PER3: variants seen among roughly 807,000 people sequenced by gnomAD.
PER3 encodes period circadian regulator 3.
In PER3, 107 loss-of-function variants were observed where a neutral mutation model predicts 127.2. That is an observed-to-expected ratio of 0.84 (90% CI 0.72 to 0.99). The LOEUF (loss-of-function observed/expected upper bound fraction) is 0.99, where lower values mean the gene tolerates loss of function less well. PER3 is among the 50% of genes least tolerant of loss of function. The probability of loss-of-function intolerance (pLI) is 0.00; values close to 1 mark genes in which losing one functional copy is unlikely to be tolerated. For missense variants in PER3, 1,560 were observed against 1,525.8 expected (o/e 1.02, Z -0.37); for synonymous variants, 618 against 585.8 (o/e 1.05, Z -0.79).
intron 20 of PER3, among the ~76,000 whole-genome samples, chr1:7,836,630 C>T (rs1050853950): frequency 2.0e-5 from 3 of 152,142 alleles, no homozygotes; most frequent in East Asian, 3.9e-4. Context: ...TACCTCTATT[C>T]AGATCCAGAC....
intron 6 of PER3, among the ~76,000 whole-genome samples, chr1:7,795,109 G>A (rs1324048520): frequency 6.6e-6 from 1 of 152,112 alleles, no homozygotes; most frequent in Non-Finnish European, 1.5e-5. Context: ...GGGGGGGACG[G>A]CCTGAGAAAG....
At chr1:7,836,210 C>G (rs748559493) in intron 20 of PER3, among the ~76,000 whole-genome samples, 3 of 152,082 alleles carry the variant, frequency 2.0e-5, no homozygotes, top group Non-Finnish European at 4.4e-5. Context: ...GACAGAGTCT[C>G]ACTCTGTCGC....
At chr1:7,833,004 G>A (rs2097340495) in intron 19 of PER3, among the ~76,000 whole-genome samples, 1 of 152,018 alleles carries the variant, frequency 6.6e-6, no homozygotes, top group African/African-American at 2.4e-5. Flanking sequence ...TACCTGGCCA[G>A]TCTAAAATAT....
In PER3 at chr1:7,827,543, T is replaced by C. The variant is rs763202177; in HGVS notation, c.2614T>C (p.Ser872Pro). 2 of 1,614,106 alleles carry C rather than the reference T, an allele frequency of 1.2e-6. No homozygotes were observed. Among genetic ancestry groups the C allele is most frequent in the East Asian group, 2.2e-5 (1 of 44,886 alleles). Residue 872 changes from serine (S) to proline (P), a missense_variant, in exon 18 of 22, where the codon TCG becomes CCG. By Grantham distance (74) the Ser-to-Pro change is moderately conservative. This residue lies in a region of PER3 where 1,332 missense variants were observed against 1,223.6 expected (regional missense o/e 1.09). Coordinates refer to ENST00000377532, the MANE Select transcript of PER3 (RefSeq NM_001377275.1). The stretch of plus-strand genomic sequence containing the variant: ...CCCTGTCTGTCCTCTGTTGTCGCCA[T>C]CGTTTTTGCCATGTCCATTCCTGGG... ...DPPVCPLLSP[S>P]FLPCPFLGAT...
rs144941346 is a variant in PER3, at chr1:7,820,191, G to C, written c.1735G>C (p.Glu579Gln). Residue 579 changes from glutamate to glutamine, a missense_variant, in exon 15 of 22, where the codon GAA becomes CAA. Physicochemically the swap from Glu to Gln is conservative, Grantham distance 29 (BLOSUM62 2). Transcript: ENST00000377532. ...SCTNTTSSSS[E>Q]EDKQNHKADD... ...TACAAATACAACTTCTTCCTCCTCA[G>C]AAGAAGACAAACAGAACCACAAGGC... 366 of 1,613,766 alleles carry C rather than the reference G, an allele frequency of 2.3e-4. No homozygotes were observed. The highest frequency in any genetic ancestry group is 2.9e-4 in the Non-Finnish European group (340 of 1,179,802).
intron 21 of PER3, among the ~76,000 whole-genome samples, chr1:7,840,535 C>T (rs2097381035): frequency 6.6e-6 from 1 of 152,064 alleles, no homozygotes; most frequent in Admixed American, 6.6e-5. Context: ...CCAGGCTGGT[C>T]TTGAACTCTT....
chr1:7,837,266 C>G (rs2097362952), intron 21 of PER3, 117 bp downstream of exon 21: 3 of 729,754 alleles, frequency 4.1e-6, no homozygotes, highest in Non-Finnish European at 6.7e-6. Flanking sequence ...CAGTTTACCT[C>G]TATGGTAGGT....
intron 10 of PER3, among the ~76,000 whole-genome samples, chr1:7,804,534 G>A (rs568221511): frequency 6.6e-6 from 1 of 151,500 alleles, no homozygotes; most frequent in South Asian, 2.1e-4. Flanking sequence ...CCAAGTAGCT[G>A]GGCCCACAGG....
intron 13 of PER3, among the ~76,000 whole-genome samples, chr1:7,816,874 A>AT (rs1325271156): frequency 1.3e-5 from 2 of 152,240 alleles, no homozygotes; most frequent in African/African-American, 4.8e-5. Flanking sequence ...GTACATGAAT[A>AT]TTTATTACAC....
intron 21 of PER3, among the ~76,000 whole-genome samples, chr1:7,837,888 A>C (rs2097365748): frequency 6.6e-6 from 1 of 152,186 alleles, no homozygotes; most frequent in African/African-American, 2.4e-5. Flanking sequence ...GCATAGCCAA[A>C]CCTCATCTCT....
At chr1:7,804,170 C>T (rs1355430518) in intron 10 of PER3, among the ~76,000 whole-genome samples, 1 of 151,902 alleles carries the variant, frequency 6.6e-6, no homozygotes, top group African/African-American at 2.4e-5. Flanking sequence ...TAAAAATCAG[C>T]ATACAAAATT....
At chr1:7,804,128 C>A (rs1577728654) in intron 10 of PER3, among the ~76,000 whole-genome samples, 1 of 151,820 alleles carries the variant, frequency 6.6e-6, no homozygotes, top group African/African-American at 2.4e-5. Context: ...GCAGAGATCA[C>A]ATAACATGGA....
intron 5 of PER3, among the ~76,000 whole-genome samples, chr1:7,789,557 A>G (rs1418110315): frequency 6.6e-6 from 1 of 152,108 alleles, no homozygotes; most frequent in Non-Finnish European, 1.5e-5. Flanking sequence ...TCTTTTGTAA[A>G]TTGCCCAATC....
chr1:7,798,884 T>C (rs577764833), intron 7 of PER3, among the ~76,000 whole-genome samples: 1 of 152,314 alleles, frequency 6.6e-6, no homozygotes, highest in East Asian at 1.9e-4. Context: ...TCAGCATGGC[T>C]GAACGAATGG....
chr1:7,795,812 G>A (rs1306089872), intron 6 of PER3, among the ~76,000 whole-genome samples: 1 of 152,224 alleles, frequency 6.6e-6, no homozygotes, highest in African/African-American at 2.4e-5. Context: ...ATAATGTAAT[G>A]AACTGCTGCG....
At chr1:7,785,132 C>T (rs934924012) in intron 2 of PER3, 127 bp downstream of exon 2, 3 of 1,007,354 alleles carry the variant, frequency 3.0e-6, no homozygotes, top group African/African-American at 1.7e-5. Flanking sequence ...AGGGGAGACT[C>T]GGGCAATGTA....
In PER3 at chr1:7,785,484, G is replaced by T; in HGVS notation, c.172G>T (p.Val58Phe). ...RNRVSEELIM[V>F]VQEMKKYFPS... ...CAGAGTTTCTGAAGAACTTATCATG[G>T]TTGTCCAAGAAATGAAAAAATACTT... Residue 58 changes from valine (V) to phenylalanine (F), a missense_variant, in exon 3 of 22, where the codon GTT (valine) becomes TTT (phenylalanine). Physicochemically the swap from Val to Phe is conservative, Grantham distance 50. This residue lies in a region of PER3 where 1,332 missense variants were observed against 1,223.6 expected (regional missense o/e 1.09). Coordinates refer to ENST00000377532, the MANE Select transcript of PER3 (RefSeq NM_001377275.1). 5 of 1,612,592 alleles carry T rather than the reference G, an allele frequency of 3.1e-6. No homozygotes were observed. Among genetic ancestry groups the T allele is most frequent in the Non-Finnish European group, 4.2e-6 (5 of 1,178,602 alleles).
At chr1:7,787,363 ATTAC>A in intron 4 of PER3, 1 of 293,718 alleles carries the variant, frequency 3.4e-6, no homozygotes, top group Non-Finnish European at 6.8e-6. Flanking sequence ...TACGGTGGAG[ATTAC>A]TTATTTTAAG....
chr1:7,788,907 G>GGA (rs1330264712), intron 5 of PER3, among the ~76,000 whole-genome samples: 2 of 141,736 alleles, frequency 1.4e-5, no homozygotes, highest in Non-Finnish European at 1.5e-5. Flanking sequence ...TGTTTCTGGG[G>GGA]AAAAAAAAAA....
Sources: allele counts gnomAD v4.1 joint callset (sites outside exome capture counted in the v4.1 genomes callset), GRCh38; gene constraint gnomAD v4.1.1; regional missense constraint gnomAD v4.1.1; transcripts MANE v1.5; gene names NCBI Gene and HGNC (gene_info 2026-07-23, HGNC 2026-07-21).